MLH3: variants seen among roughly 807,000 people sequenced by gnomAD.
MLH3 encodes DNA mismatch repair protein Mlh3.
A neutral mutation model predicts 122.2 loss-of-function variants in MLH3; 82 were observed. That is an observed-to-expected ratio of 0.67 (90% CI 0.56 to 0.81). The LOEUF (loss-of-function observed/expected upper bound fraction) is 0.81. MLH3 is among the 30% of genes least tolerant of loss of function. The pLI is 0.00. For synonymous variants in MLH3, 524 were observed against 599.5 expected, an observed-to-expected ratio of 0.87 and a Z score of 1.84; for missense variants, 1,539 against 1,714.5, an observed-to-expected ratio of 0.90 and a Z score of 1.81.
Position 75,046,976 on chromosome 14 carries a change from T to C in MLH3, c.2680A>G (p.Ser894Gly), listed in dbSNP as rs141067131. ...ERETQTMGMM[S>G]RFNELPNSDS... is the part of the protein sequence containing the mutation. ...GAATTTGGAAGTTCATTAAAACGAC[T>C]CATCATCCCCATTGTTTGAGTTTCT... The change falls in exon 2 of 13, where the codon AGT (serine) becomes GGT (glycine). Residue 894 changes from serine to glycine, a missense_variant. Ser to Gly is a moderately conservative substitution (Grantham distance 56, BLOSUM62 0). Transcript: ENST00000355774. 2.5e-6 allele frequency: 4 copies of C among 1,614,200 alleles called. No individual in the cohort carries two copies. Among genetic ancestry groups the C allele is most frequent in the Non-Finnish European group, 2.5e-6 (3 of 1,180,030 alleles).
At position 75,015,723 on chromosome 14, in the gene MLH3, C is replaced by T. The variant is rs1184000985; in HGVS notation, c.*1359G>A. Reference sequence around the variant, plus strand: ...CCAATTACGTAAATCTACAAGGATCCCCTTGAAAACAAGTGAAGGTTTTCT... The same window carrying T: ...CCAATTACGTAAATCTACAAGGATCTCCTTGAAAACAAGTGAAGGTTTTCT... On this transcript the variant is annotated 3_prime_UTR_variant, in exon 13 of 13. Transcript: ENST00000355774. The T allele has an allele frequency of 2.5e-5, 5 of 203,258 alleles. No homozygotes were observed. The Admixed American group carries it at 3.2e-4, about 13-fold the overall frequency. 12.6% of individuals were successfully genotyped at this position (203,258 alleles called of 1,614,324 possible). A position where few individuals can be genotyped will look rare whatever the true frequency, so the allele number is the denominator to read the frequency against.
chr14:75,038,843 ATT>A (rs879937438), intron 5 of MLH3, among the ~76,000 whole-genome samples: 1 of 146,404 alleles, frequency 6.8e-6, no homozygotes, highest in Admixed American at 6.8e-5. Flanking sequence ...TTTATTTTTA[ATT>A]TTTTTTTTTT....
chr14:75,025,043 C>T (rs959200274), intron 9 of MLH3, among the ~76,000 whole-genome samples: 1 of 152,200 alleles, frequency 6.6e-6, no homozygotes, highest in Admixed American at 6.5e-5. Flanking sequence ...GCCAAGATGA[C>T]CCAAGAGCTG....
At position 75,022,683 on chromosome 14, in the gene MLH3, T is replaced by C. The variant is rs1890361995; in HGVS notation, c.4090+131A>G. 4.5e-6 allele frequency: 4 copies of C among 889,524 alleles called. No individual in the cohort carries two copies. The East Asian group carries it at 9.7e-5, about 22-fold the overall frequency. The allele number at this position is 889,524 out of a possible 1,614,324, so 55.1% of individuals were successfully genotyped here. A position where few individuals can be genotyped will look rare whatever the true frequency, so the allele number is the denominator to read the frequency against. ...GTGATTTTTAAAAGGGTATATTCAG[T>C]TTCTTGATCTAAATTGTATTCTCCA... On this transcript the variant is annotated intron_variant, in intron 11 of 12. Transcript: ENST00000355774.
At chr14:75,040,565 G>A (rs1187348919) in intron 4 of MLH3, among the ~76,000 whole-genome samples, 1 of 139,134 alleles carries the variant, frequency 7.2e-6, no homozygotes, top group Non-Finnish European at 1.6e-5. Flanking sequence ...AAAAAAAATT[G>A]TTTCACAACA....
rs1418361697 is a variant in MLH3, at chr14:75,046,518, C to T, written c.3138G>A (p.Arg1046=). The T allele has an allele frequency of 3.7e-6, 6 of 1,614,204 alleles. No individual in the cohort carries two copies. Among genetic ancestry groups the T allele is most frequent in the Non-Finnish European group, 4.2e-6 (5 of 1,180,030 alleles). Reference sequence around the variant, plus strand: ...TTCTTCCCAGGGCTACATCGAAATGCCGCTGCCAATCTGAACAACACGTGT... The same window carrying T: ...TTCTTCCCAGGGCTACATCGAAATGTCGCTGCCAATCTGAACAACACGTGT... ...ESNTCCSDWQ[R]HFDVALGRMV... is the part of the protein sequence containing the mutation. The change falls in exon 2 of 13, where the codon CGG becomes CGA. Residue 1046 remains arginine, a synonymous_variant. Transcript: ENST00000355774.
Position 75,038,368 on chromosome 14 carries a change from G to C in MLH3, c.3615C>G (p.Ser1205Arg), listed in dbSNP as rs1339332143. The change falls in exon 6 of 13, where the codon AGC (serine) becomes AGG (arginine). Residue 1205 changes from serine (S) to arginine (R), a missense_variant. Transcript: ENST00000355774. ...VDNKFIACLMSTKTEENGEAG... is the reference protein window; with the variant it reads ...VDNKFIACLMRTKTEENGEAG... ...CCTCGCCATTCTCTTCAGTCTTAGT[G>C]CTCATCAAACAGGCAATAAACTTGT... The C allele has an allele frequency of 4.3e-6, 7 of 1,613,662 alleles. No individual in the cohort carries two copies. The highest frequency in any genetic ancestry group is 5.9e-6 in the Non-Finnish European group (7 of 1,179,818).
chr14:75,046,939 C>G lies in MLH3; in HGVS notation c.2717G>C (p.Arg906Thr). 4 of 1,614,072 alleles carry G rather than the reference C, an allele frequency of 2.5e-6. No homozygotes were observed. The highest frequency in any genetic ancestry group is 3.4e-6 in the Non-Finnish European group (4 of 1,179,992). Residue 906 changes from arginine to threonine, a missense_variant, in exon 2 of 13, where the codon AGG becomes ACG. By Grantham distance (71) the Arg-to-Thr change is moderately conservative. Transcript: ENST00000355774. Reference sequence around the variant, plus strand: ...CACACTGCACAACTTGCTGTCTTTCCTACTGGAATCTGAATTTGGAAGTTC... The same window carrying G: ...CACACTGCACAACTTGCTGTCTTTCGTACTGGAATCTGAATTTGGAAGTTC... ...FNELPNSDSS[R>T]KDSKLCSVLT... is the part of the protein sequence containing the mutation.
chr14:75,046,345 C>T (rs771479070), intron 2 of MLH3, 31 bp downstream of exon 2: 1 of 1,611,528 alleles, frequency 6.2e-7, no homozygotes, highest in South Asian at 1.1e-5. Flanking sequence ...TCTTCAAAAG[C>T]ATCTCATGCA....
chr14:75,046,227 A>T, intron 2 of MLH3, 149 bp downstream of exon 2: 1 of 781,560 alleles, frequency 1.3e-6, no homozygotes, highest in Non-Finnish European at 2.1e-6. Context: ...AAATCTTCAT[A>T]TAGCATGAAA....
Position 75,027,832 on chromosome 14 carries a change from G to A in MLH3, c.3987+2711C>T, listed in dbSNP as rs138469009. Among the ~76,000 whole-genome samples, 272 of 152,070 alleles carry A rather than the reference G, an allele frequency of 1.8e-3. 2 individuals are homozygous for A. Among genetic ancestry groups the A allele is most frequent in the African/African-American group, 6.1e-3 (253 of 41,516 alleles). On this transcript the variant is annotated intron_variant, in intron 9 of 12. Transcript: ENST00000355774. ...GAATTAAAAACAAGGTGGAATTAAA[G>A]TACTAGACAGCAACATGGAAGATGG...
chr14:75,025,580 T>C (rs1476250297), intron 9 of MLH3, among the ~76,000 whole-genome samples: 1 of 152,158 alleles, frequency 6.6e-6, no homozygotes, highest in Non-Finnish European at 1.5e-5. Context: ...TTCCACAGGC[T>C]CCACTCTTTT....
Position 75,047,647 on chromosome 14 carries a change from G to C in MLH3, c.2009C>G (p.Pro670Arg). The C allele has an allele frequency of 6.2e-7, 1 of 1,613,816 alleles. No homozygotes were observed. The highest frequency in any genetic ancestry group is 8.5e-7 in the Non-Finnish European group (1 of 1,179,930). Residue 670 changes from proline to arginine, a missense_variant, in exon 2 of 13, where the codon CCC becomes CGC. Coordinates refer to ENST00000355774, the MANE Select transcript of MLH3 (RefSeq NM_001040108.2). Reference protein sequence around the residue: ...STLSKESGQLPNKKNCRTNIS... With the variant: ...STLSKESGQLRNKKNCRTNIS... ...ATTCGTTCTGCAATTTTTTTTGTTG[G>C]GCAATTGACCAGATTCTTTACTTAA...
In MLH3 at chr14:75,015,674, C is replaced by G. The variant is rs1278214149; in HGVS notation, c.*1408G>C. On this transcript the variant is annotated 3_prime_UTR_variant, in exon 13 of 13. Transcript: ENST00000355774. ...AGAAGAATAAAAGCCATTTTTTAGACAGTAGGGCCTGTTCTTCAGGATTCC... is the reference window on the plus strand; with the variant it reads ...AGAAGAATAAAAGCCATTTTTTAGAGAGTAGGGCCTGTTCTTCAGGATTCC... 1 of 209,140 alleles carries G rather than the reference C, an allele frequency of 4.8e-6. No individual in the cohort carries two copies. Among genetic ancestry groups the G allele is most frequent in the African/African-American group, 2.3e-5 (1 of 43,980 alleles). The allele number at this position is 209,140 out of a possible 1,614,324, so 13.0% of individuals were successfully genotyped here.
intron 12 of MLH3, 92 bp from the exon 13 acceptor site, chr14:75,017,293 C>T: frequency 7.6e-7 from 1 of 1,324,388 alleles, no homozygotes; most frequent in Non-Finnish European, 1.1e-6. Flanking sequence ...AATCCCAGCA[C>T]TCTGGGAGGC....
Position 75,033,435 on chromosome 14 carries a change from C to G in MLH3, c.3699G>C (p.Leu1233=). ...DQHAAHERIR[L]EQLIIDSYEK... ...GATCCTTACCAATGATAAGCTGCTC[C>G]AGACGTATACGCTCATGGGCAGCGT... The change falls in exon 7 of 13, where the codon CTG becomes CTC. Residue 1233 remains leucine (L), a synonymous_variant. Transcript: ENST00000355774. The G allele has an allele frequency of 6.2e-7, 1 of 1,614,120 alleles. No homozygotes were observed. Among genetic ancestry groups the G allele is most frequent in the Non-Finnish European group, 8.5e-7 (1 of 1,179,988 alleles).
chr14:75,041,571 G>T, intron 4 of MLH3, 44 bp downstream of exon 4: 2 of 1,445,832 alleles, frequency 1.4e-6, no homozygotes, highest in Non-Finnish European at 1.9e-6. Context: ...ATAAGAAGAA[G>T]AAGAAGAAAA....
chr14:75,041,272 G>A (rs946752731), intron 4 of MLH3, among the ~76,000 whole-genome samples: 1 of 152,118 alleles, frequency 6.6e-6, no homozygotes, highest in Non-Finnish European at 1.5e-5. Context: ...AAGAAAGGCT[G>A]GGCGTGATGG....
chr14:75,038,665 G>A (rs1891590542), intron 5 of MLH3, among the ~76,000 whole-genome samples: 1 of 152,110 alleles, frequency 6.6e-6, no homozygotes, highest in African/African-American at 2.4e-5. Context: ...TCTCAGAGTG[G>A]TGTGCTAGCA....
Sources: gnomAD v4.1 joint callset for allele counts (sites outside exome capture counted in the v4.1 genomes callset) on GRCh38, gnomAD v4.1.1 for gene constraint, MANE v1.5 for transcripts, NCBI Gene and HGNC (gene_info 2026-07-23, HGNC 2026-07-21) for gene names.